The following ROBO1 variants were observed in gnomAD, a reference collection of about 807,000 sequenced individuals.
ROBO1 encodes the protein roundabout guidance receptor 1.
A neutral mutation model predicts 195.9 loss-of-function variants in ROBO1; 149 were observed. That is an observed-to-expected ratio of 0.76 (90% CI 0.67 to 0.87). ROBO1 has a LOEUF of 0.87. Ranked by LOEUF, ROBO1 falls within the 40% of genes least tolerant of loss-of-function variation. ROBO1 has a pLI of 0.00. For missense variants in ROBO1, 1,933 were observed against 2,068.3 expected (o/e 0.93, Z 1.27); for synonymous variants, 816 against 733.2 (o/e 1.11, Z -1.82).
At chr3:79,490,860 A>G (rs1223280872) in intron 2 of ROBO1, among the ~76,000 whole-genome samples, 1 of 151,778 alleles carries the variant, frequency 6.6e-6, no homozygotes, top group Non-Finnish European at 1.5e-5. Context: ...AGGGAGGGTG[A>G]CTCGAGGGGG....
intron 2 of ROBO1, among the ~76,000 whole-genome samples, chr3:79,570,461 G>C (rs1012549165): frequency 6.6e-6 from 1 of 152,124 alleles, no homozygotes; most frequent in Non-Finnish European, 1.5e-5. Flanking sequence ...GGAGGCAAAT[G>C]TTGAAATGAC....
intron 2 of ROBO1, among the ~76,000 whole-genome samples, chr3:79,547,110 G>T (rs1261365124): frequency 2.0e-5 from 3 of 149,486 alleles, no homozygotes; most frequent in Non-Finnish European, 4.4e-5. Context: ...GCGTGAACCC[G>T]GGAGGTGGAG....
chr3:78,722,841 T>C (rs1428968056), intron 5 of ROBO1, among the ~76,000 whole-genome samples: 3 of 152,104 alleles, frequency 2.0e-5, no homozygotes, highest in African/African-American at 7.2e-5. Context: ...GCTTTTCAAC[T>C]CTAAAATGGG....
chr3:78,656,807 C>A (rs1341205453), intron 18 of ROBO1, among the ~76,000 whole-genome samples: 1 of 152,136 alleles, frequency 6.6e-6, no homozygotes, highest in Admixed American at 6.5e-5. Context: ...TGAATATTGA[C>A]AACCTTTTGC....
intron 1 of ROBO1, among the ~76,000 whole-genome samples, chr3:79,690,769 C>T (rs1253402525): frequency 6.6e-6 from 1 of 151,964 alleles, no homozygotes; most frequent in Non-Finnish European, 1.5e-5. Context: ...CACTTATTCA[C>T]TTAATGAATA....
At chr3:79,059,710 A>G (rs1272582826) in intron 3 of ROBO1, among the ~76,000 whole-genome samples, 1 of 152,066 alleles carries the variant, frequency 6.6e-6, no homozygotes, top group Non-Finnish European at 1.5e-5. Context: ...TCCCCAATCA[A>G]TACTCTTATA....
At chr3:78,815,046 CTT>C (rs1360764473) in intron 4 of ROBO1, among the ~76,000 whole-genome samples, 2 of 152,044 alleles carry the variant, frequency 1.3e-5, no homozygotes, top group Non-Finnish European at 2.9e-5. Flanking sequence ...AGATGGCAAA[CTT>C]AATAAATGTT....
At chr3:79,364,074 C>T (rs1167518028) in intron 2 of ROBO1, among the ~76,000 whole-genome samples, 3 of 151,740 alleles carry the variant, frequency 2.0e-5, no homozygotes, top group African/African-American at 4.8e-5. Flanking sequence ...CGTGGTGGCA[C>T]GCACCTGTAG....
intron 7 of ROBO1, 64 bp downstream of exon 7, chr3:78,717,211 T>C (rs987954785): frequency 1.4e-6 from 2 of 1,479,532 alleles, no homozygotes; most frequent in African/African-American, 2.9e-5. Flanking sequence ...GATGTGGAGA[T>C]GATGTGATGA....
chr3:79,728,194 T>A (rs983816524), intron 1 of ROBO1, among the ~76,000 whole-genome samples: 2 of 152,128 alleles, frequency 1.3e-5, no homozygotes, highest in African/African-American at 4.8e-5. Flanking sequence ...GTACTTTTTT[T>A]ATTTACTGTT....
intron 1 of ROBO1, among the ~76,000 whole-genome samples, chr3:79,644,608 C>G (rs1157295734): frequency 6.6e-6 from 1 of 152,066 alleles, no homozygotes; most frequent in Non-Finnish European, 1.5e-5. Flanking sequence ...AAAGCCTTGC[C>G]CCATTATTCA....
intron 5 of ROBO1, among the ~76,000 whole-genome samples, chr3:78,739,067 A>T (rs2082461148): frequency 6.6e-6 from 1 of 152,224 alleles, no homozygotes; most frequent in Admixed American, 6.5e-5. Context: ...AATATAAGTC[A>T]TTCAAAAATG....
intron 4 of ROBO1, among the ~76,000 whole-genome samples, chr3:78,870,552 A>T (rs1411923153): frequency 6.6e-6 from 1 of 152,172 alleles, no homozygotes; most frequent in African/African-American, 2.4e-5. Flanking sequence ...ATGTCCTCAA[A>T]AGGACAGAAA....
At chr3:78,733,646 A>C (rs2082330511) in intron 5 of ROBO1, among the ~76,000 whole-genome samples, 1 of 152,218 alleles carries the variant, frequency 6.6e-6, no homozygotes, top group Non-Finnish European at 1.5e-5. Context: ...TGATTAATGG[A>C]ACATTGAGAA....
At chr3:79,327,326 G>C (rs2034252339) in intron 2 of ROBO1, among the ~76,000 whole-genome samples, 1 of 151,648 alleles carries the variant, frequency 6.6e-6, no homozygotes, top group South Asian at 2.1e-4. Flanking sequence ...ATTTTCAATT[G>C]AATATTTACT....
chr3:79,282,890 C>A (rs2031619464), intron 2 of ROBO1, among the ~76,000 whole-genome samples: 1 of 152,064 alleles, frequency 6.6e-6, no homozygotes, highest in African/African-American at 2.4e-5. Flanking sequence ...TAAGACTTAG[C>A]TAATAAATAA....
At chr3:79,564,078 C>T (rs1471413512) in intron 2 of ROBO1, among the ~76,000 whole-genome samples, 10 of 150,020 alleles carry the variant, frequency 6.7e-5, no homozygotes, top group Admixed American at 6.0e-4. Flanking sequence ...TTTGAAAAGA[C>T]TCCAATTCCA....
chr3:78,658,203 C>A (rs573757759), intron 17 of ROBO1, among the ~76,000 whole-genome samples: 1 of 152,120 alleles, frequency 6.6e-6, no homozygotes, highest in Non-Finnish European at 1.5e-5. Context: ...TGATCTTCTG[C>A]GATGTTTAAG....
chr3:78,688,821 G>C, intron 8 of ROBO1, 49 bp from the exon 9 acceptor site: 2 of 1,552,468 alleles, frequency 1.3e-6, no homozygotes, highest in South Asian at 2.4e-5. Context: ...CGTTGTTATT[G>C]TCCTAATTGA....
Sources: allele counts gnomAD v4.1 joint callset (sites outside exome capture counted in the v4.1 genomes callset), GRCh38; gene constraint gnomAD v4.1.1; transcripts MANE v1.5; gene names NCBI Gene and HGNC (gene_info 2026-07-23, HGNC 2026-07-21).